Variants in ARHGEF11 observed in about 807,000 individuals in gnomAD.
The protein encoded by ARHGEF11 is Rho guanine nucleotide exchange factor 11.
A neutral mutation model predicts 193.7 loss-of-function variants in ARHGEF11; 55 were observed. That is an observed-to-expected ratio of 0.28 (90% CI 0.23 to 0.36). The LOEUF (loss-of-function observed/expected upper bound fraction) is 0.36, where lower values mean the gene tolerates loss of function less well. Ranked by LOEUF, ARHGEF11 falls within the 10% of genes least tolerant of loss-of-function variation. The pLI is 1.00. For synonymous variants in ARHGEF11, 693 were observed against 768.0 expected, an observed-to-expected ratio of 0.90 and a Z score of 1.62; for missense variants, 1,723 against 2,005.6, an observed-to-expected ratio of 0.86 and a Z score of 2.69.
intron 6 of ARHGEF11, 37 bp from the exon 7 acceptor site, chr1:156,977,091 A>C: frequency 3.9e-6 from 6 of 1,542,656 alleles, no homozygotes; most frequent in Non-Finnish European, 5.4e-6. Context: ...AGAGTTAGGG[A>C]CTAACTCAAC....
intron 10 of ARHGEF11, 119 bp from the exon 11 acceptor site, chr1:156,968,243 C>T (rs115423280): frequency 0.023 from 26,222 of 1,139,398 alleles, 397 homozygotes; most frequent in Non-Finnish European, 0.027. Flanking sequence ...AAGTGCAGTA[C>T]TTGCTCTGTG....
chr1:156,941,317 G>T, intron 35 of ARHGEF11, 55 bp downstream of exon 35: 6 of 1,575,754 alleles, frequency 3.8e-6, no homozygotes, highest in Non-Finnish European at 5.2e-6. Flanking sequence ...CACCCAACCT[G>T]TGCCTACAGA....
intron 11 of ARHGEF11, chr1:156,963,924 T>C: frequency 4.3e-6 from 1 of 233,438 alleles, no homozygotes; most frequent in Non-Finnish European, 7.0e-6. Context: ...AGCCAACAGC[T>C]CCTGCTGGAC....
chr1:157,043,451 C>T (rs1362422713), intron 1 of ARHGEF11, among the ~76,000 whole-genome samples: 2 of 152,174 alleles, frequency 1.3e-5, no homozygotes, highest in Non-Finnish European at 2.9e-5. Context: ...ATTGCAACCA[C>T]ACAGTAACAT....
chr1:156,986,072 A>T lies in ARHGEF11; in HGVS notation c.124+10T>A. On this transcript the variant is annotated intron_variant, in intron 2 of 40. Coordinates refer to ENST00000368194, the MANE Select transcript of ARHGEF11 (RefSeq NM_198236.3). ...GGCTGTTTTTGTATGTTAATGCCCA[A>T]GGAGGTTACCTGTTGTCTCAGAGGC... 1 of 1,610,838 alleles carries T rather than the reference A, an allele frequency of 6.2e-7. No homozygotes were observed. The highest frequency in any genetic ancestry group is 8.5e-7 in the Non-Finnish European group (1 of 1,177,592).
intron 1 of ARHGEF11, among the ~76,000 whole-genome samples, chr1:157,032,344 A>G (rs1364163924): frequency 6.6e-6 from 1 of 152,042 alleles, no homozygotes; most frequent in African/African-American, 2.4e-5. Flanking sequence ...TTCTGAGAAC[A>G]TAAAAAGAGT....
At chr1:157,007,887 A>G (rs1263412521) in intron 1 of ARHGEF11, among the ~76,000 whole-genome samples, 1 of 147,586 alleles carries the variant, frequency 6.8e-6, no homozygotes, top group Admixed American at 6.9e-5. Flanking sequence ...TGTAAGCTCC[A>G]AGAAGGCAAA....
At chr1:156,950,543 G>A (rs1325481222) in intron 22 of ARHGEF11, among the ~76,000 whole-genome samples, 1 of 152,196 alleles carries the variant, frequency 6.6e-6, no homozygotes, top group African/African-American at 2.4e-5. Flanking sequence ...AGGAGGCTGA[G>A]GTGGGAGGAT....
Position 156,951,584 on chromosome 1 carries a change from C to T in ARHGEF11, c.1914G>A (p.Leu638=). ...LSTGSFPEDL[L]ESDSSRSEIR... is the part of the protein sequence containing the mutation. The stretch of plus-strand genomic sequence containing the variant: ...CCAGCCAGTGCTACCTGTCACTCTC[C>T]AGCAGGTCCTCAGGAAAGCTTCCGG... Residue 638 remains leucine, a synonymous_variant, in exon 22 of 41, where the codon CTG becomes CTA. Coordinates refer to ENST00000368194, the MANE Select transcript of ARHGEF11 (RefSeq NM_198236.3). 1 of 1,614,028 alleles carries T rather than the reference C, an allele frequency of 6.2e-7. No homozygotes were observed. Among genetic ancestry groups the T allele is most frequent in the Non-Finnish European group, 8.5e-7 (1 of 1,180,004 alleles).
intron 1 of ARHGEF11, among the ~76,000 whole-genome samples, chr1:156,988,592 T>G (rs768289371): frequency 2.6e-5 from 4 of 152,298 alleles, no homozygotes; most frequent in South Asian, 4.1e-4. Flanking sequence ...TGATTTGGTT[T>G]GCATTTGAGC....
At chr1:156,991,963 G>A (rs895758944) in intron 1 of ARHGEF11, among the ~76,000 whole-genome samples, 7 of 151,638 alleles carry the variant, frequency 4.6e-5, no homozygotes, top group South Asian at 4.2e-4. Flanking sequence ...TGATCCGCCC[G>A]CCTCGGCCTC....
chr1:156,954,760 G>T, intron 21 of ARHGEF11, 132 bp downstream of exon 21: 1 of 817,258 alleles, frequency 1.2e-6, no homozygotes, highest in Non-Finnish European at 2.0e-6. Context: ...TAAGAGAAAT[G>T]GAGAGAAGAA....
rs1168012981 is a variant in ARHGEF11, at chr1:157,045,469, G to C, written c.-1139C>G. The stretch of plus-strand genomic sequence containing the variant: ...TTATTATTGTGGATTTGAGTTCGAG[G>C]TGGGTTTTTCTTCCACACCAGACTC... On this transcript the variant is annotated 5_prime_UTR_variant, in exon 1 of 41. Transcript: ENST00000368194. 2 of 152,242 alleles carry C rather than the reference G, an allele frequency of 1.3e-5. No homozygotes were observed. The highest frequency in any genetic ancestry group is 2.9e-5 in the Non-Finnish European group (2 of 68,056). The allele number at this position is 152,242 out of a possible 1,614,324, so 9.4% of individuals were successfully genotyped here.
At chr1:156,945,315 G>T in intron 29 of ARHGEF11, 118 bp from the exon 30 acceptor site, 1 of 1,195,798 alleles carries the variant, frequency 8.4e-7, no homozygotes, top group Non-Finnish European at 1.2e-6. Flanking sequence ...AGCAGGCGTG[G>T]GTGGAGGGGA....
intron 1 of ARHGEF11, among the ~76,000 whole-genome samples, chr1:157,006,038 C>T (rs1667779882): frequency 6.6e-6 from 1 of 152,198 alleles, no homozygotes; most frequent in South Asian, 2.1e-4. Context: ...ACACATAAAA[C>T]ATTCACTGTA....
chr1:156,964,495 C>A (rs999237704), intron 11 of ARHGEF11, among the ~76,000 whole-genome samples: 6 of 152,198 alleles, frequency 3.9e-5, no homozygotes, highest in Non-Finnish European at 8.8e-5. Flanking sequence ...TTAACCCAGA[C>A]CTATGATACC....
chr1:156,949,709 C>A (rs1005518897), intron 22 of ARHGEF11, among the ~76,000 whole-genome samples: 3 of 152,200 alleles, frequency 2.0e-5, no homozygotes, highest in African/African-American at 7.2e-5. Context: ...ACCACCACAA[C>A]AAACACCCAG....
upstream of ARHGEF11, among the ~76,000 whole-genome samples, chr1:157,046,004 CG>C (rs2103144685): frequency 6.6e-6 from 1 of 151,126 alleles, no homozygotes; most frequent in Non-Finnish European, 1.5e-5. Flanking sequence ...TCGGTTCCCG[CG>C]GCCGCGACTC....
chr1:156,986,144 G>T lies in ARHGEF11; in HGVS notation c.62C>A (p.Ser21Tyr), dbSNP rs1664887921. The change falls in exon 2 of 41, where the codon TCT (serine) becomes TAT (tyrosine). Residue 21 changes from serine to tyrosine, a missense_variant. This residue lies in a region of ARHGEF11 where 646 missense variants were observed against 710.7 expected (regional missense o/e 0.91). Coordinates refer to ENST00000368194, the MANE Select transcript of ARHGEF11 (RefSeq NM_198236.3). ...RLSSLSSLGD[S>Y]APERKSPSHH... The stretch of plus-strand genomic sequence containing the variant: ...GGAAGGGGACTTGCGCTCTGGTGCA[G>T]AATCTCCCAGAGAAGACAGGCTACT... The T allele has an allele frequency of 1.9e-6, 3 of 1,613,934 alleles. No individual in the cohort carries two copies. The East Asian group carries it at 6.7e-5, about 36-fold the overall frequency.
Sources: gnomAD v4.1 joint callset for allele counts (sites outside exome capture counted in the v4.1 genomes callset) on GRCh38, gnomAD v4.1.1 for gene constraint, gnomAD v4.1.1 regional missense constraint, MANE v1.5 for transcripts, NCBI Gene and HGNC (gene_info 2026-07-23, HGNC 2026-07-21) for gene names.